ZNF423: variants seen among roughly 807,000 people sequenced by gnomAD.
The protein encoded by ZNF423 is zinc finger protein 423.
Under a neutral mutation model 95.8 loss-of-function variants are expected in ZNF423, and 12 were observed. The observed-to-expected ratio is 0.13, with a 90% CI of 0.08 to 0.20. The LOEUF is 0.20. ZNF423 is among the 10% of genes least tolerant of loss of function. The probability of loss-of-function intolerance (pLI) is 1.00; values close to 1 mark genes in which losing one functional copy is unlikely to be tolerated. For missense variants in ZNF423, 1,316 were observed against 1,737.1 expected, an observed-to-expected ratio of 0.76 and a Z score of 4.31; for synonymous variants, 749 against 711.9, an observed-to-expected ratio of 1.05 and a Z score of -0.83.
chr16:49,854,585 C>T (rs900048980), intron 1 of ZNF423: 1 of 985,318 alleles, frequency 1.0e-6, no homozygotes, highest in African/African-American at 1.7e-5. Flanking sequence ...CCGCTCTCAT[C>T]GTTCCCCCCT....
At chr16:49,687,371 C>CA (rs1813737123) in intron 3 of ZNF423, among the ~76,000 whole-genome samples, 1 of 152,178 alleles carries the variant, frequency 6.6e-6, no homozygotes, top group South Asian at 2.1e-4. Flanking sequence ...TGCCTGTCCC[C>CA]ACCTACCCCT....
rs147427609 is a variant in ZNF423, at chr16:49,638,264, C to T, written c.912G>A (p.Gln304=). Residue 304 remains glutamine (Q), a synonymous_variant, in exon 4 of 8, where the codon CAG becomes CAA. Coordinates refer to ENST00000563137, the MANE Select transcript of ZNF423 (RefSeq NM_001379286.1). This position sits in a 1 kb window ranked among gnomAD's most constrained non-coding sequence, Gnocchi z 5.6. ...CGAAGACCTCAGGGCAGTGAATGCA[C>T]TGCAGGTCCGCCTTCTCGGACAGCT... ...HPQLSEKADL[Q]CIHCPEVFVD... The T allele has an allele frequency of 7.4e-6, 12 of 1,612,900 alleles. No homozygotes were observed. The African/African-American group carries it at 1.3e-4, about 18-fold the overall frequency.
At chr16:49,695,380 C>T (rs1442204372) in intron 3 of ZNF423, among the ~76,000 whole-genome samples, 3 of 152,226 alleles carry the variant, frequency 2.0e-5, no homozygotes, top group Non-Finnish European at 4.4e-5. Flanking sequence ...GCAACCTCCA[C>T]CTCCCAGGTT....
chr16:49,725,571 G>GGA (rs1326606104), intron 3 of ZNF423, among the ~76,000 whole-genome samples: 1 of 152,164 alleles, frequency 6.6e-6, no homozygotes, highest in Non-Finnish European at 1.5e-5. Context: ...TTAATAGTAG[G>GGA]GAGAGAGATG....
intron 3 of ZNF423, 134 bp downstream of exon 3, chr16:49,730,637 G>C (rs1038836603): frequency 8.4e-6 from 8 of 951,446 alleles, no homozygotes; most frequent in Non-Finnish European, 1.3e-5. Context: ...GGGTACCCAA[G>C]ACACCACAAT....
At chr16:49,669,347 GAAAAAGA>G (rs1212578562) in intron 3 of ZNF423, among the ~76,000 whole-genome samples, 2 of 151,238 alleles carry the variant, frequency 1.3e-5, no homozygotes, top group Non-Finnish European at 3.0e-5. Flanking sequence ...AAAAGAAAAA[GAAAAAGA>G]AAAAAGAAAA....
At chr16:49,811,451 C>T (rs1208043274) in intron 1 of ZNF423, among the ~76,000 whole-genome samples, 1 of 152,172 alleles carries the variant, frequency 6.6e-6, no homozygotes, top group East Asian at 1.9e-4. Flanking sequence ...CGCTGCCACC[C>T]AGAGTGTGCT....
chr16:49,519,358 C>T (rs769531120), intron 7 of ZNF423, among the ~76,000 whole-genome samples: 2 of 152,286 alleles, frequency 1.3e-5, no homozygotes, highest in Non-Finnish European at 2.9e-5. Flanking sequence ...AAGAAACTGA[C>T]AAATATTTTG....
chr16:49,713,051 T>C (rs1011122572), intron 3 of ZNF423, among the ~76,000 whole-genome samples: 1 of 152,242 alleles, frequency 6.6e-6, no homozygotes, highest in African/African-American at 2.4e-5. Flanking sequence ...ACACCTCCAC[T>C]TGCCAGGCGC....
chr16:49,747,201 A>G (rs1182919545), intron 2 of ZNF423, among the ~76,000 whole-genome samples: 1 of 152,216 alleles, frequency 6.6e-6, no homozygotes, highest in Non-Finnish European at 1.5e-5. Flanking sequence ...ATCTCCATGA[A>G]CAGCAGATCG....
chr16:49,587,245 C>T (rs1165535372), intron 5 of ZNF423, among the ~76,000 whole-genome samples: 1 of 152,172 alleles, frequency 6.6e-6, no homozygotes. Context: ...CTGACAATGA[C>T]AGACAGGCCT....
At chr16:49,831,269 T>TA (rs2035058123) in intron 1 of ZNF423, among the ~76,000 whole-genome samples, 2 of 152,336 alleles carry the variant, frequency 1.3e-5, no homozygotes, top group African/African-American at 4.8e-5. Flanking sequence ...GTGAAATCTT[T>TA]CTTTATTCAT....
At chr16:49,645,630 C>T (rs1327195054) in intron 3 of ZNF423, among the ~76,000 whole-genome samples, 1 of 152,160 alleles carries the variant, frequency 6.6e-6, no homozygotes, top group Non-Finnish European at 1.5e-5. Context: ...TCCTGTTGGT[C>T]ACAGAGAGAC....
intron 1 of ZNF423, among the ~76,000 whole-genome samples, chr16:49,822,491 A>G (rs1350976881): frequency 6.6e-6 from 1 of 152,064 alleles, no homozygotes; most frequent in Non-Finnish European, 1.5e-5. Flanking sequence ...GGAATTTTTA[A>G]ATCCAAGTTA....
intron 1 of ZNF423, among the ~76,000 whole-genome samples, chr16:49,844,763 C>G (rs2035225488): frequency 6.6e-6 from 1 of 152,148 alleles, no homozygotes; most frequent in Admixed American, 6.5e-5. Flanking sequence ...ATTGGCGAGG[C>G]CCTGTGGCTC....
intron 3 of ZNF423, chr16:49,711,504 G>T (rs752808752): frequency 6.6e-6 from 1 of 152,152 alleles, no homozygotes; most frequent in Non-Finnish European, 1.5e-5. Flanking sequence ...ATATAACATT[G>T]TTTCTGTGGA....
At chr16:49,846,704 C>CCTCCCT (rs2035250111) in intron 1 of ZNF423, among the ~76,000 whole-genome samples, 1 of 152,220 alleles carries the variant, frequency 6.6e-6, no homozygotes, top group Non-Finnish European at 1.5e-5. Context: ...ACCTGCTTCT[C>CCTCCCT]CTCCCTCTCC....
chr16:49,701,656 T>C (rs1325356307), intron 3 of ZNF423, among the ~76,000 whole-genome samples: 1 of 152,130 alleles, frequency 6.6e-6, no homozygotes, highest in African/African-American at 2.4e-5. Context: ...TTTTAAACAA[T>C]ACCTCTTCGA....
rs780730343 is a variant in ZNF423 at position 49,638,037 on chromosome 16, G to A, written c.1139C>T (p.Pro380Leu). The A allele has an allele frequency of 6.2e-7, 1 of 1,614,052 alleles. No individual in the cohort carries two copies. Among genetic ancestry groups the A allele is most frequent in the South Asian group, 1.1e-5 (1 of 91,068 alleles). ...GSVASMSSAT[P>L]DSSASVERGS... ...ACGCTCCACAGAGGCGCTGGAGTCG[G>A]GTGTGGCGCTGCTCATGGAGGCCAC... Residue 380 changes from proline to leucine, a missense_variant, in exon 4 of 8, where the codon CCC becomes CTC. Physicochemically the swap from Pro to Leu is moderately conservative, Grantham distance 98 (BLOSUM62 -3). Transcript: ENST00000563137. The surrounding 1 kb of genome is among the most constrained non-coding windows in gnomAD (Gnocchi z 5.6).
Sources: allele counts gnomAD v4.1 joint callset (sites outside exome capture counted in the v4.1 genomes callset), GRCh38; gene constraint gnomAD v4.1.1; non-coding constraint Gnocchi (gnomAD v3.1); transcripts MANE v1.5; gene names NCBI Gene and HGNC (gene_info 2026-07-23, HGNC 2026-07-21).